Variants in RBAK observed in about 807,000 individuals in gnomAD.
The protein encoded by RBAK is RB associated KRAB zinc finger.
Under a neutral mutation model 65.8 loss-of-function variants are expected in RBAK, and 39 were observed. That is an observed-to-expected ratio of 0.59 (90% CI 0.46 to 0.77). The LOEUF is 0.77. Ranked by LOEUF, RBAK falls within the 30% of genes least tolerant of loss-of-function variation. RBAK has a pLI of 0.00. For synonymous variants in RBAK, 343 were observed against 289.7 expected (o/e 1.18, Z -1.87); for missense variants, 884 against 855.1 (o/e 1.03, Z -0.42).
chr7:5,047,041 T>A (rs1489552275), intron 1 of RBAK, among the ~76,000 whole-genome samples: 4 of 152,252 alleles, frequency 2.6e-5, no homozygotes, highest in Non-Finnish European at 5.9e-5. Context: ...ATTCATTTCA[T>A]TTCTGAGAGC....
intron 4 of RBAK, among the ~76,000 whole-genome samples, chr7:5,059,214 T>G (rs1434272206): frequency 2.0e-5 from 3 of 152,216 alleles, no homozygotes; most frequent in African/African-American, 7.2e-5. Flanking sequence ...TGGATCCATC[T>G]TCCATTCAAA....
chr7:5,062,031 T>G (rs1376754102), intron 4 of RBAK, among the ~76,000 whole-genome samples: 1 of 152,220 alleles, frequency 6.6e-6, no homozygotes, highest in Non-Finnish European at 1.5e-5. Flanking sequence ...TTCAGAATGC[T>G]TATTTGCATT....
chr7:5,058,651 G>T (rs1402131276), intron 4 of RBAK, among the ~76,000 whole-genome samples: 1 of 152,096 alleles, frequency 6.6e-6, no homozygotes, highest in Non-Finnish European at 1.5e-5. Context: ...CTCAGCCTTC[G>T]TCTCTTTCCC....
chr7:5,052,741 T>TTTGATTGA lies in RBAK; in HGVS notation c.16-4527_16-4520dup, dbSNP rs35675888. On this transcript the variant is annotated intron_variant, in intron 2 of 4. Transcript: ENST00000396912. ...CGTTGTTGTTAATTAAACAGTTATC[T>TTTGATTGA]TTGATTGATTGATTGATTGATTGAT... Among the ~76,000 whole-genome samples, 476 of 151,070 alleles carry TTTGATTGA rather than the reference T, an allele frequency of 3.2e-3. 2 individuals are homozygous for TTTGATTGA. Among genetic ancestry groups the TTTGATTGA allele is most frequent in the Middle Eastern group, 0.01 (3 of 294 alleles).
chr7:5,059,968 G>A (rs1190375899), intron 4 of RBAK, among the ~76,000 whole-genome samples: 2 of 152,148 alleles, frequency 1.3e-5, no homozygotes, highest in African/African-American at 2.4e-5. Context: ...GCTGTGATAG[G>A]AGTGTATGCT....
intron 1 of RBAK, among the ~76,000 whole-genome samples, chr7:5,047,583 ATCAC>A (rs1562531785): frequency 6.8e-6 from 1 of 145,996 alleles, no homozygotes; most frequent in East Asian, 2.0e-4. Flanking sequence ...TGCTTCGCCT[ATCAC>A]TCTTTTTCAC....
chr7:5,069,461 AT>A lies in RBAK; in HGVS notation c.*3861del, dbSNP rs777069872. On this transcript the variant is annotated 3_prime_UTR_variant, in exon 5 of 5. Coordinates refer to ENST00000396912, the MANE Select transcript of RBAK (RefSeq NM_021163.4). ...AGCTGCCTCTTCAATAAAGAAGCTA[AT>A]GTGTAACATTTCATATTTCCCTAAA... The A allele has an allele frequency of 3.9e-5, 6 of 152,244 alleles. No homozygotes were observed. Among genetic ancestry groups the A allele is most frequent in the Non-Finnish European group, 8.8e-5 (6 of 68,038 alleles). The allele number at this position is 152,244 out of a possible 1,614,324, so 9.4% of individuals were successfully genotyped here.
At chr7:5,051,649 G>A (rs1562533727) in intron 2 of RBAK, among the ~76,000 whole-genome samples, 5 of 152,092 alleles carry the variant, frequency 3.3e-5, no homozygotes, top group South Asian at 4.1e-4. Flanking sequence ...TGTTTAATAC[G>A]GATTTGTTCC....
chr7:5,050,233 T>C (rs1048030362), intron 2 of RBAK, among the ~76,000 whole-genome samples: 1 of 152,280 alleles, frequency 6.6e-6, no homozygotes, highest in African/African-American at 2.4e-5. Context: ...TCCTATATTA[T>C]GTCTCTTGCG....
intron 2 of RBAK, among the ~76,000 whole-genome samples, chr7:5,049,303 G>A (rs1156425116): frequency 6.6e-6 from 1 of 152,180 alleles, no homozygotes; most frequent in African/African-American, 2.4e-5. Flanking sequence ...TGTGATCCCA[G>A]TAGACAGAAT....
chr7:5,049,844 C>T (rs1788077344), intron 2 of RBAK, among the ~76,000 whole-genome samples: 1 of 152,126 alleles, frequency 6.6e-6, no homozygotes, highest in Non-Finnish European at 1.5e-5. Flanking sequence ...CTGCCTCAGC[C>T]TCCTGCATAG....
intron 2 of RBAK, among the ~76,000 whole-genome samples, chr7:5,054,344 G>A (rs1788178143): frequency 6.6e-6 from 1 of 150,974 alleles, no homozygotes; most frequent in Non-Finnish European, 1.5e-5. Flanking sequence ...GACGGAGGTT[G>A]CAGTGAGCCA....
chr7:5,047,513 G>C (rs1406447499), intron 1 of RBAK, among the ~76,000 whole-genome samples: 1 of 151,518 alleles, frequency 6.6e-6, no homozygotes, highest in South Asian at 2.1e-4. Context: ...TGTTACCCAT[G>C]AGAGTCTCAC....
intron 4 of RBAK, among the ~76,000 whole-genome samples, chr7:5,061,796 G>C (rs1392525545): frequency 6.6e-6 from 1 of 151,782 alleles, no homozygotes; most frequent in Non-Finnish European, 1.5e-5. Flanking sequence ...TACTTGGGAG[G>C]CTGAGGCAGG....
Position 5,064,393 on chromosome 7 carries a change from G to C in RBAK, c.937G>C (p.Glu313Gln). ...TLTVHRRSHLEEKPYKCNECG... is the reference protein window; with the variant it reads ...TLTVHRRSHLQEKPYKCNECG... Reference sequence around the variant, plus strand: ...CACTGTACATCGGAGATCACACTTAGAGGAGAAGCCCTATAAATGTAATGA... The same window carrying C: ...CACTGTACATCGGAGATCACACTTACAGGAGAAGCCCTATAAATGTAATGA... Residue 313 changes from glutamate to glutamine, a missense_variant, in exon 5 of 5, where the codon GAG becomes CAG. Transcript: ENST00000396912. This position sits in a 1 kb window ranked among gnomAD's most constrained non-coding sequence, Gnocchi z 6.3. 1 of 1,613,998 alleles carries C rather than the reference G, an allele frequency of 6.2e-7. No homozygotes were observed.
intron 2 of RBAK, among the ~76,000 whole-genome samples, chr7:5,056,743 A>G (rs903742932): frequency 1.3e-4 from 20 of 152,180 alleles, no homozygotes; most frequent in African/African-American, 4.3e-4. Context: ...TATGAGAATA[A>G]AAGAGCCAAA....
At chr7:5,057,652 T>TC in intron 3 of RBAK, 32 bp from the exon 4 acceptor site, 1 of 1,612,984 alleles carries the variant, frequency 6.2e-7, no homozygotes, top group Non-Finnish European at 8.5e-7. Context: ...CCAAGCAGCT[T>TC]CCCCAAGTCC....
Position 5,065,501 on chromosome 7 carries a change from A to G in RBAK, c.2045A>G (p.Asn682Ser), listed in dbSNP as rs1434847158. ...TCAGGAGAGAAACCCTATGAATGTA[A>G]CGAGTGTGGGAAAAAATTCCACCAC... is the stretch of plus-strand genomic sequence containing the variant. ...THSGEKPYEC[N>S]ECGKKFHHRS... Residue 682 changes from asparagine (N) to serine (S), a missense_variant, in exon 5 of 5, where the codon AAC becomes AGC. Transcript: ENST00000396912. This position sits in a 1 kb window ranked among gnomAD's most constrained non-coding sequence, Gnocchi z 5.3. 1.2e-6 allele frequency: 2 copies of G among 1,604,378 alleles called. No individual in the cohort carries two copies. Among genetic ancestry groups the G allele is most frequent in the Non-Finnish European group, 1.7e-6 (2 of 1,173,568 alleles).
chr7:5,056,727 A>T (rs1468564529), intron 2 of RBAK, among the ~76,000 whole-genome samples: 1 of 152,166 alleles, frequency 6.6e-6, no homozygotes, highest in Non-Finnish European at 1.5e-5. Flanking sequence ...GCCAGAGGCC[A>T]CTGGCTATGA....
Sources: allele counts gnomAD v4.1 joint callset (sites outside exome capture counted in the v4.1 genomes callset), GRCh38; gene constraint gnomAD v4.1.1; non-coding constraint Gnocchi (gnomAD v3.1); transcripts MANE v1.5; gene names NCBI Gene and HGNC (gene_info 2026-07-23, HGNC 2026-07-21).